SLC38A8: variants seen among roughly 807,000 people sequenced by gnomAD.
SLC38A8 encodes the protein solute carrier family 38 member 8, also known as amino acid transporter SLC38A8.
A neutral mutation model predicts 46.0 loss-of-function variants in SLC38A8; 65 were observed. The observed-to-expected ratio is 1.41, with a 90% confidence interval of 1.16 to 1.74. The LOEUF (loss-of-function observed/expected upper bound fraction) is 1.74. Ranked by LOEUF, SLC38A8 falls within the 40% of genes most tolerant of loss-of-function variation. The pLI is 0.00. For synonymous variants in SLC38A8, 447 were observed against 243.7 expected (o/e 1.83, Z -7.77); for missense variants, 998 against 567.9 (o/e 1.76, Z -7.70).
chr16:84,036,920 C>A lies in SLC38A8; in HGVS notation c.190-20G>T, dbSNP rs765459012. On this transcript the variant is annotated intron_variant, in intron 2 of 10. Transcript: ENST00000299709. Reference sequence around the variant, plus strand: ...CGAGACCTGCGGAGAAGGAGCAGGACCTGGAACTGGGGTGTGCCCACAGCC... The same window carrying A: ...CGAGACCTGCGGAGAAGGAGCAGGAACTGGAACTGGGGTGTGCCCACAGCC... The A allele has an allele frequency of 6.3e-7, 1 of 1,596,264 alleles. No homozygotes were observed. The highest frequency in any genetic ancestry group is 8.5e-7 in the Non-Finnish European group (1 of 1,173,290).
intron 10 of SLC38A8, 151 bp downstream of exon 10, chr16:84,012,850 C>G: frequency 2.3e-6 from 2 of 868,126 alleles, no homozygotes; most frequent in South Asian, 3.6e-5. Context: ...TGCCCTCATA[C>G]TGGGTAGACA....
In SLC38A8 at chr16:84,029,359, GCA is replaced by G. The variant is rs2085209445; in HGVS notation, c.690+133_690+134del. 9 of 829,682 alleles carry G rather than the reference GCA, an allele frequency of 1.1e-5. No individual in the cohort carries two copies. In the Admixed American group the frequency reaches 1.3e-4, roughly 12 times the overall value. The allele number at this position is 829,682 out of a possible 1,614,324, so 51.4% of individuals were successfully genotyped here. On this transcript the variant is annotated intron_variant, in intron 6 of 10. Transcript: ENST00000299709. ...ACAGCCTGGGAACCACAGGTGGGCGGCACAGAGCCCACTGTATCCTAGGAGAA... is the reference window on the plus strand; with the variant it reads ...ACAGCCTGGGAACCACAGGTGGGCGGCAGAGCCCACTGTATCCTAGGAGAA...
Position 84,016,526 on chromosome 16 carries a change from G to T in SLC38A8, c.1155C>A (p.Ile385=), listed in dbSNP as rs2085027430. 2.5e-6 allele frequency: 4 copies of T among 1,613,800 alleles called. No homozygotes were observed. The East Asian group carries it at 6.7e-5, about 27-fold the overall frequency. The change falls in exon 9 of 11, where the codon ATC becomes ATA. Residue 385 remains isoleucine (I), a synonymous_variant. Transcript: ENST00000299709. ...IGGISSFFIF[I]FPGLCLICAM... ...GGAAAGCAGGGGCCTCACCTGGGAA[G>T]ATGAAGATGAAGAAGGAACTGATGC...
At chr16:84,022,679 C>T in intron 7 of SLC38A8, 96 bp downstream of exon 7, 2 of 925,270 alleles carry the variant, frequency 2.2e-6, no homozygotes, top group Admixed American at 2.2e-5. Context: ...GTATTGAGCC[C>T]AGCACGTGGT....
In SLC38A8 at chr16:84,029,549, G is replaced by T. The variant is rs780054215; in HGVS notation, c.635C>A (p.Pro212His). The T allele has an allele frequency of 6.2e-7, 1 of 1,614,088 alleles. No homozygotes were observed. Among genetic ancestry groups the T allele is most frequent in the East Asian group, 2.2e-5 (1 of 44,878 alleles). Reference sequence around the variant, plus strand: ...ACTGAACACAGAGGTCCAGGAGGCAGGGCTGTAAACAGACAAGAACAGGAG... The same window carrying T: ...ACTGAACACAGAGGTCCAGGAGGCATGGCTGTAAACAGACAAGAACAGGAG... Reference protein sequence around the residue: ...LVRESHPSLSPASWTSVFSVF... With the variant: ...LVRESHPSLSHASWTSVFSVF... The change falls in exon 6 of 11, where the codon CCT becomes CAT. Residue 212 changes from proline to histidine, a missense_variant and splice_region_variant. Coordinates refer to ENST00000299709, the MANE Select transcript of SLC38A8 (RefSeq NM_001080442.3).
At chr16:84,011,036 G>C (rs1161694811) in intron 10 of SLC38A8, among the ~76,000 whole-genome samples, 5 of 152,168 alleles carry the variant, frequency 3.3e-5, no homozygotes, top group Admixed American at 2.0e-4. Flanking sequence ...GGCCACCAGA[G>C]ATATTTGTGG....
rs762336870 is a variant in SLC38A8 at position 84,029,487 on chromosome 16, A to C, written c.690+7T>G. 5.0e-6 allele frequency: 8 copies of C among 1,614,018 alleles called. No homozygotes were observed. The highest frequency in any genetic ancestry group is 5.9e-6 in the Non-Finnish European group (7 of 1,179,948). On this transcript the variant is annotated splice_region_variant and intron_variant, in intron 6 of 10. Coordinates refer to ENST00000299709, the MANE Select transcript of SLC38A8 (RefSeq NM_001080442.3). ...GCCACAGGCTGCAACACAGATGCTA[A>C]AATTACCTGAAACCCGAAGCAGATG...
chr16:84,016,589 A>T lies in SLC38A8; in HGVS notation c.1092T>A (p.Phe364Leu). ...WVTVTLAMAL[F>L]MPDLSEIVSI... Reference sequence around the variant, plus strand: ...TGACGATCTCGCTGAGGTCAGGCATAAACAGCGCCATGGCGAGCGTCACGG... The same window carrying T: ...TGACGATCTCGCTGAGGTCAGGCATTAACAGCGCCATGGCGAGCGTCACGG... The change falls in exon 9 of 11, where the codon TTT becomes TTA. Residue 364 changes from phenylalanine (F) to leucine (L), a missense_variant. Coordinates refer to ENST00000299709, the MANE Select transcript of SLC38A8 (RefSeq NM_001080442.3). 4 of 1,614,090 alleles carry T rather than the reference A, an allele frequency of 2.5e-6. No homozygotes were observed. Among genetic ancestry groups the T allele is most frequent in the African/African-American group, 1.3e-5 (1 of 75,064 alleles).
Position 84,009,862 on chromosome 16 carries a change from G to A in SLC38A8, c.1230C>T (p.Val410=), listed in dbSNP as rs1378851839. Residue 410 remains valine, a synonymous_variant, in exon 11 of 11, where the codon GTC becomes GTT. Coordinates refer to ENST00000299709, the MANE Select transcript of SLC38A8 (RefSeq NM_001080442.3). The part of the protein sequence containing the change: ...IGPRVKCCLE[V]WGVVSVLVGT... ...CGACCAGCACAGAGACCACTCCCCA[G>A]ACCTCCAGGCAGCACCTGCCAAGTG... 6.2e-7 allele frequency: 1 copy of A among 1,613,740 alleles called. No homozygotes were observed. The highest frequency in any genetic ancestry group is 1.3e-5 in the African/African-American group (1 of 74,872).
intron 2 of SLC38A8, 148 bp downstream of exon 2, chr16:84,041,821 C>A: frequency 1.4e-6 from 1 of 718,438 alleles, no homozygotes; most frequent in Non-Finnish European, 2.2e-6. Flanking sequence ...TATCTTCTCC[C>A]CTCATTAGCT....
rs758984616 is a variant in SLC38A8, at chr16:84,016,703, C to T, written c.978G>A (p.Arg326=). ...LGRSVMQDFW[R]RSCLGGWGPS... ...GCCCCCATCCCCCCAAGCAGCTCCT[C>T]CTCCAGAAGTCCTGCATCACTGACC... The change falls in exon 9 of 11, where the codon AGG becomes AGA. Residue 326 remains arginine (R), a synonymous_variant. Coordinates refer to ENST00000299709, the MANE Select transcript of SLC38A8 (RefSeq NM_001080442.3). 1.2e-6 allele frequency: 2 copies of T among 1,613,054 alleles called. No homozygotes were observed. Among genetic ancestry groups the T allele is most frequent in the Non-Finnish European group, 1.7e-6 (2 of 1,179,908 alleles).
chr16:84,033,472 G>A lies in SLC38A8; in HGVS notation c.389-3C>T, dbSNP rs2085269411. 35 of 1,596,234 alleles carry A rather than the reference G, an allele frequency of 2.2e-5. No individual in the cohort carries two copies. Among genetic ancestry groups the A allele is most frequent in the Non-Finnish European group, 2.9e-5 (34 of 1,171,768 alleles). On this transcript the variant is annotated splice_region_variant and splice_polypyrimidine_tract_variant and intron_variant, in intron 3 of 10. Transcript: ENST00000299709. The stretch of plus-strand genomic sequence containing the variant: ...GCCAGACAGGAGGGAGTCACACACT[G>A]CCAGAGACACGGGGAGAGCTGAGCC...
At chr16:84,014,027 A>G (rs1374142828) in intron 9 of SLC38A8, among the ~76,000 whole-genome samples, 2 of 151,914 alleles carry the variant, frequency 1.3e-5, no homozygotes, top group East Asian at 1.9e-4. Context: ...CCCCGCCCAG[A>G]GCCTGAGGGA....
At chr16:84,033,503 G>A (rs1487913433) in intron 3 of SLC38A8, 34 bp from the exon 4 acceptor site, 2 of 1,545,498 alleles carry the variant, frequency 1.3e-6, no homozygotes, top group African/African-American at 1.4e-5. Flanking sequence ...GAGCCACAGA[G>A]TACAAATGCC....
At chr16:84,040,663 G>A (rs1410827967) in intron 2 of SLC38A8, among the ~76,000 whole-genome samples, 4 of 152,164 alleles carry the variant, frequency 2.6e-5, no homozygotes, top group Admixed American at 1.3e-4. Context: ...CAGGCGTGCT[G>A]CCCCGTCACG....
At chr16:84,013,091 C>A (rs1239799341) in intron 9 of SLC38A8, 39 bp from the exon 10 acceptor site, 1 of 1,613,108 alleles carries the variant, frequency 6.2e-7, no homozygotes, top group Non-Finnish European at 8.5e-7. Context: ...TCTTCGTTAT[C>A]AAACCCAAAG....
At chr16:84,013,860 G>T (rs1001047223) in intron 9 of SLC38A8, among the ~76,000 whole-genome samples, 3 of 151,980 alleles carry the variant, frequency 2.0e-5, no homozygotes, top group Admixed American at 1.3e-4. Context: ...AATAGCCAGC[G>T]CTACAACTGG....
At chr16:84,015,057 G>C (rs2085008917) in intron 9 of SLC38A8, among the ~76,000 whole-genome samples, 2 of 152,152 alleles carry the variant, frequency 1.3e-5, no homozygotes, top group South Asian at 2.1e-4. Flanking sequence ...GGCTGCATCA[G>C]GGTGTTGGGG....
At position 84,022,858 on chromosome 16, in the gene SLC38A8, C is replaced by A; in HGVS notation, c.722G>T (p.Ser241Ile). Residue 241 changes from serine to isoleucine, a missense_variant, in exon 7 of 11, where the codon AGC (serine) becomes ATC (isoleucine). Transcript: ENST00000299709. ...CHEAAVSIYC[S>I]MRKRSLSHWA... ...GTGGGAGAGGCTCCGTTTGCGCATGCTGCAGTAGATGGAGACGGCAGCTTC... is the reference window on the plus strand; with the variant it reads ...GTGGGAGAGGCTCCGTTTGCGCATGATGCAGTAGATGGAGACGGCAGCTTC... 1.2e-6 allele frequency: 2 copies of A among 1,609,350 alleles called. No individual in the cohort carries two copies. Among genetic ancestry groups the A allele is most frequent in the Non-Finnish European group, 1.7e-6 (2 of 1,178,224 alleles).
Sources: allele counts gnomAD v4.1 joint callset (sites outside exome capture counted in the v4.1 genomes callset), GRCh38; gene constraint gnomAD v4.1.1; transcripts MANE v1.5; gene names NCBI Gene and HGNC (gene_info 2026-07-23, HGNC 2026-07-21).